BRSK2: variants seen among roughly 807,000 people sequenced by gnomAD.
The protein encoded by BRSK2 is serine/threonine-protein kinase BRSK2.
BRSK2 carries 19 observed loss-of-function variants against 83.3 expected under a neutral mutation model. The observed-to-expected ratio is 0.23, with a 90% CI of 0.16 to 0.33. The LOEUF (loss-of-function observed/expected upper bound fraction) is 0.33. Ranked by LOEUF, BRSK2 falls within the 10% of genes least tolerant of loss-of-function variation. The pLI is 1.00. For missense variants in BRSK2, 798 were observed against 1,042.3 expected (o/e 0.77, Z 3.23); for synonymous variants, 519 against 435.4 (o/e 1.19, Z -2.39).
chr11:1,456,400 A>T lies in BRSK2; in HGVS notation c.1721A>T (p.Tyr574Phe), dbSNP rs1231417618. 6.2e-7 allele frequency: 1 copy of T among 1,602,004 alleles called. No homozygotes were observed. The highest frequency in any genetic ancestry group is 8.5e-7 in the Non-Finnish European group (1 of 1,174,874). The change falls in exon 17 of 20, where the codon TAC becomes TTC. Residue 574 changes from tyrosine (Y) to phenylalanine (F), a missense_variant. By Grantham distance (22) the Tyr-to-Phe change is conservative. Transcript: ENST00000528841. ...TCCCAAACGAGCTTCCGGGCCGAGT[A>T]CAAGGCCACGGGGGGGCCAGCCGTG... ...VISQTSFRAEYKATGGPAVFQ... is the reference protein window; with the variant it reads ...VISQTSFRAEFKATGGPAVFQ...
intron 1 of BRSK2, among the ~76,000 whole-genome samples, chr11:1,411,927 C>T (rs1039759989): frequency 1.3e-4 from 20 of 152,162 alleles, no homozygotes; most frequent in African/African-American, 4.6e-4. Flanking sequence ...CTGTGGGGAA[C>T]GTGGCCTTGG....
At chr11:1,442,360 G>T in intron 4 of BRSK2, 130 bp from the exon 5 acceptor site, 1 of 655,960 alleles carries the variant, frequency 1.5e-6, no homozygotes, top group East Asian at 2.9e-5. Flanking sequence ...TCACCAGGCT[G>T]GGCTGCTATT....
At chr11:1,408,934 G>A (rs1412749974) in intron 1 of BRSK2, among the ~76,000 whole-genome samples, 2 of 151,472 alleles carry the variant, frequency 1.3e-5, no homozygotes, top group African/African-American at 2.4e-5. Context: ...GTGTGTGTGT[G>A]TATGTATCTG....
At chr11:1,429,286 T>C (rs1475726922) in intron 1 of BRSK2, among the ~76,000 whole-genome samples, 3 of 107,704 alleles carry the variant, frequency 2.8e-5, no homozygotes, top group Non-Finnish European at 5.0e-5. Context: ...TGTGGGTGTG[T>C]GCACTGGGCG....
At chr11:1,429,460 C>T (rs1849702523) in intron 1 of BRSK2, among the ~76,000 whole-genome samples, 1 of 152,166 alleles carries the variant, frequency 6.6e-6, no homozygotes, top group South Asian at 2.1e-4. Context: ...AGGTGCATGT[C>T]TGTGTGCGTG....
intron 16 of BRSK2, 86 bp from the exon 17 acceptor site, chr11:1,456,262 G>A: frequency 7.3e-7 from 1 of 1,364,600 alleles, no homozygotes; most frequent in Non-Finnish European, 9.8e-7. Flanking sequence ...TGCACGGTGG[G>A]GCTGGCTCGC....
intron 12 of BRSK2, among the ~76,000 whole-genome samples, chr11:1,447,175 G>C (rs1852259931): frequency 6.6e-6 from 1 of 152,114 alleles, no homozygotes; most frequent in Non-Finnish European, 1.5e-5. Context: ...CCAGTACTAG[G>C]GGGTAGCAAG....
At chr11:1,448,690 TCTGGGTCCAGTTCCAGCC>T (rs1852548098) in intron 12 of BRSK2, among the ~76,000 whole-genome samples, 2 of 152,144 alleles carry the variant, frequency 1.3e-5, no homozygotes. Flanking sequence ...CCCTGAAAGC[TCTGGGTCCAGTTCCAGCC>T]CTGGGTGTCA....
At chr11:1,393,512 G>A (rs1016563517) in intron 1 of BRSK2, among the ~76,000 whole-genome samples, 4 of 152,208 alleles carry the variant, frequency 2.6e-5, no homozygotes, top group Non-Finnish European at 5.9e-5. Flanking sequence ...AAGGAGCTAG[G>A]ATGAGGGGCT....
At position 1,438,426 on chromosome 11, in the gene BRSK2, G is replaced by A. The variant is rs1482271383; in HGVS notation, c.272+35G>A. On this transcript the variant is annotated intron_variant, in intron 3 of 19. Coordinates refer to ENST00000528841, the MANE Select transcript of BRSK2 (RefSeq NM_001256627.2). The surrounding 1 kb of genome is among the most constrained non-coding windows in gnomAD (Gnocchi z 6.4). Reference sequence around the variant, plus strand: ...GCTGGGTCTGAAGAGCTGGGGTGGCGGAGGTGGCAGCTGTCGCTGCAGGGG... The same window carrying A: ...GCTGGGTCTGAAGAGCTGGGGTGGCAGAGGTGGCAGCTGTCGCTGCAGGGG... 1.4e-5 allele frequency: 23 copies of A among 1,596,536 alleles called. No homozygotes were observed. The highest frequency in any genetic ancestry group is 1.1e-4 in the East Asian group (5 of 44,772).
In BRSK2 at chr11:1,459,250, C is replaced by G. The variant is rs1302308207; in HGVS notation, c.1987+11C>G. On this transcript the variant is annotated intron_variant, in intron 19 of 19. Coordinates refer to ENST00000528841, the MANE Select transcript of BRSK2 (RefSeq NM_001256627.2). ...GGCTTTCCAAATGTGGTAAGAATCCCCCACGCTCACCTGGCACCTCCACCT... is the reference window on the plus strand; with the variant it reads ...GGCTTTCCAAATGTGGTAAGAATCCGCCACGCTCACCTGGCACCTCCACCT... The G allele has an allele frequency of 6.2e-7, 1 of 1,613,474 alleles. No individual in the cohort carries two copies. Among genetic ancestry groups the G allele is most frequent in the South Asian group, 1.1e-5 (1 of 91,082 alleles).
rs954444658 is a variant in BRSK2 at position 1,390,679 on chromosome 11, C to T, written c.91+304C>T. On this transcript the variant is annotated intron_variant, in intron 1 of 19. Coordinates refer to ENST00000528841, the MANE Select transcript of BRSK2 (RefSeq NM_001256627.2). This position sits in a 1 kb window ranked among gnomAD's most constrained non-coding sequence, Gnocchi z 6.8. ...CGGGCCCCGCTGCAGGTGCGCGGCC[C>T]GGGCCGCATTGTGCGCCCCAGCGAC... Among the ~76,000 whole-genome samples the T allele has an allele frequency of 6.7e-6, 1 of 149,508 alleles. No individual in the cohort carries two copies. The highest frequency in any genetic ancestry group is 1.5e-5 in the Non-Finnish European group (1 of 67,158).
rs780046641 is a variant in BRSK2, at chr11:1,442,532, G to C, written c.456G>C (p.Lys152Asn). 51 of 1,613,198 alleles carry C rather than the reference G, an allele frequency of 3.2e-5. No individual in the cohort carries two copies. The highest frequency in any genetic ancestry group is 4.0e-5 in the African/African-American group (3 of 75,048). The change falls in exon 5 of 20, where the codon AAG becomes AAC. Residue 152 changes from lysine (K) to asparagine (N), a missense_variant. Lys to Asn is a moderately conservative substitution (Grantham distance 94). Coordinates refer to ENST00000528841, the MANE Select transcript of BRSK2 (RefSeq NM_001256627.2). ...CTGAAAACCTCCTGCTGGACGAGAA[G>C]AACAACATCCGCATCGCAGACTTTG... is the stretch of plus-strand genomic sequence containing the variant. ...LKPENLLLDE[K>N]NNIRIADFGM...
chr11:1,434,248 G>GAAGGATGGCGGCCACTAT (rs1455330501), intron 1 of BRSK2, among the ~76,000 whole-genome samples: 12 of 152,244 alleles, frequency 7.9e-5, no homozygotes, highest in Admixed American at 5.9e-4. Flanking sequence ...CGCGTGCACG[G>GAAGGATGGCGGCCACTAT]AAGGATGGCG....
At chr11:1,457,047 C>A in intron 18 of BRSK2, 2 of 1,581,828 alleles carry the variant, frequency 1.3e-6, no homozygotes, top group South Asian at 1.1e-5. Flanking sequence ...CTGACGCTGG[C>A]AGGTAAGGCG....
intron 1 of BRSK2, among the ~76,000 whole-genome samples, chr11:1,411,789 G>A (rs997960175): frequency 2.0e-5 from 3 of 152,234 alleles, no homozygotes; most frequent in Non-Finnish European, 2.9e-5. Context: ...CTACGCTGGC[G>A]CTGCCTGCCC....
chr11:1,452,998 T>C (rs896750197), intron 15 of BRSK2, among the ~76,000 whole-genome samples: 1 of 152,218 alleles, frequency 6.6e-6, no homozygotes, highest in African/African-American at 2.4e-5. Flanking sequence ...CACTCAGGGC[T>C]GATGTCCTTG....
intron 3 of BRSK2, among the ~76,000 whole-genome samples, chr11:1,439,141 C>A (rs1333626460): frequency 6.6e-6 from 1 of 152,204 alleles, no homozygotes; most frequent in African/African-American, 2.4e-5. Flanking sequence ...ATCTCTGAGG[C>A]ATCAGGCTCT....
chr11:1,449,912 G>A, intron 13 of BRSK2, 76 bp downstream of exon 13: 2 of 1,225,164 alleles, frequency 1.6e-6, no homozygotes, highest in Non-Finnish European at 1.2e-6. Context: ...TGCCAGGGTG[G>A]GGGCAGCCTC....
Sources: allele counts gnomAD v4.1 joint callset (sites outside exome capture counted in the v4.1 genomes callset), GRCh38; gene constraint gnomAD v4.1.1; non-coding constraint Gnocchi (gnomAD v3.1); transcripts MANE v1.5; gene names NCBI Gene and HGNC (gene_info 2026-07-23, HGNC 2026-07-21).